Variants in CTNNA2 observed in about 807,000 individuals in gnomAD.
CTNNA2 encodes catenin alpha-2.
A neutral mutation model predicts 101.0 loss-of-function variants in CTNNA2; 42 were observed. That is an observed-to-expected ratio of 0.42 (90% CI 0.32 to 0.54). The LOEUF (loss-of-function observed/expected upper bound fraction) is 0.54. Among genes scored for constraint, CTNNA2 ranks in the 20% least tolerant of loss-of-function variants. The pLI is 0.14. For missense variants in CTNNA2, 871 were observed against 1,223.1 expected (o/e 0.71, Z 4.29); for synonymous variants, 450 against 456.4 (o/e 0.99, Z 0.18).
intron 18 of CTNNA2, among the ~76,000 whole-genome samples, chr2:80,625,788 T>TG (rs1671621133): frequency 6.6e-6 from 1 of 152,104 alleles, no homozygotes; most frequent in African/African-American, 2.4e-5. Flanking sequence ...TATTTCTATG[T>TG]GAAAGCATCT....
At chr2:80,612,687 GC>G in intron 17 of CTNNA2, among the ~76,000 whole-genome samples, 1 of 151,338 alleles carries the variant, frequency 6.6e-6, no homozygotes, top group South Asian at 2.1e-4. Flanking sequence ...AGCTAAAACA[GC>G]CATTGAAACA....
At chr2:79,791,613 G>A (rs1675278075) in intron 3 of CTNNA2, among the ~76,000 whole-genome samples, 1 of 152,152 alleles carries the variant, frequency 6.6e-6, no homozygotes, top group Non-Finnish European at 1.5e-5. Flanking sequence ...AATCATGCTA[G>A]TGGAGAGAAG....
At chr2:80,100,347 C>T (rs1700467922) in intron 7 of CTNNA2, among the ~76,000 whole-genome samples, 1 of 152,158 alleles carries the variant, frequency 6.6e-6, no homozygotes, top group Non-Finnish European at 1.5e-5. Context: ...TGCTTTCGTT[C>T]CTGGTTCAAC....
intron 7 of CTNNA2, among the ~76,000 whole-genome samples, chr2:80,063,196 C>T (rs560707462): frequency 1.3e-5 from 2 of 152,264 alleles, no homozygotes; most frequent in African/African-American, 4.8e-5. Flanking sequence ...CTCCCTTTTG[C>T]TCCCCTCCTG....
At chr2:80,571,250 T>C (rs1164593577) in intron 12 of CTNNA2, among the ~76,000 whole-genome samples, 1 of 152,204 alleles carries the variant, frequency 6.6e-6, no homozygotes, top group Non-Finnish European at 1.5e-5. Flanking sequence ...AGTTGGCAGT[T>C]ACTAAGGCAG....
At chr2:80,466,283 A>G (rs1684848561) in intron 9 of CTNNA2, among the ~76,000 whole-genome samples, 1 of 152,196 alleles carries the variant, frequency 6.6e-6, no homozygotes, top group Non-Finnish European at 1.5e-5. Flanking sequence ...CAGAGAAAAA[A>G]GGAGATGTAC....
At chr2:79,653,774 AG>A (rs1323177987) in intron 2 of CTNNA2, among the ~76,000 whole-genome samples, 1 of 152,138 alleles carries the variant, frequency 6.6e-6, no homozygotes, top group African/African-American at 2.4e-5. Context: ...CACTATAAAC[AG>A]CAAGAAGAAA....
At chr2:79,664,394 C>A (rs1475146930) in intron 2 of CTNNA2, among the ~76,000 whole-genome samples, 1 of 152,132 alleles carries the variant, frequency 6.6e-6, no homozygotes, top group East Asian at 1.9e-4. Flanking sequence ...CCATTATGAA[C>A]TTTCTGTTAT....
chr2:80,098,694 C>T (rs1172485037), intron 7 of CTNNA2, among the ~76,000 whole-genome samples: 2 of 152,196 alleles, frequency 1.3e-5, no homozygotes, highest in Non-Finnish European at 2.9e-5. Context: ...CCTACTCAAG[C>T]CTCGGAAATG....
At chr2:79,636,987 C>T (rs1680118550) in intron 1 of CTNNA2, 1 of 151,910 alleles carries the variant, frequency 6.6e-6, no homozygotes, top group South Asian at 2.1e-4. Flanking sequence ...AATTAAGTAA[C>T]TAGAAGATCA....
intron 7 of CTNNA2, among the ~76,000 whole-genome samples, chr2:80,069,659 G>C (rs1017907194): frequency 1.3e-5 from 2 of 152,040 alleles, no homozygotes; most frequent in African/African-American, 4.8e-5. Context: ...ATGTGATAAG[G>C]GAATAAGAGA....
intron 7 of CTNNA2, among the ~76,000 whole-genome samples, chr2:80,155,302 T>C (rs977829653): frequency 6.6e-6 from 1 of 152,216 alleles, no homozygotes; most frequent in Non-Finnish European, 1.5e-5. Context: ...GTGATAGTTC[T>C]CCAGCTCTTT....
At chr2:80,430,991 A>AC (rs1681446632) in intron 9 of CTNNA2, among the ~76,000 whole-genome samples, 1 of 152,136 alleles carries the variant, frequency 6.6e-6, no homozygotes, top group Non-Finnish European at 1.5e-5. Flanking sequence ...TAAAAAAGTC[A>AC]CCCCCAGTAA....
At chr2:80,358,632 C>T (rs982929358) in intron 7 of CTNNA2, among the ~76,000 whole-genome samples, 17 of 152,142 alleles carry the variant, frequency 1.1e-4, no homozygotes, top group East Asian at 3.9e-4. Context: ...GGATTATAGG[C>T]GTGAGCCACT....
intron 7 of CTNNA2, among the ~76,000 whole-genome samples, chr2:80,019,500 C>A (rs915092515): frequency 1.3e-5 from 2 of 152,222 alleles, no homozygotes; most frequent in African/African-American, 4.8e-5. Flanking sequence ...TAGAGGATCA[C>A]CTGACTAGTC....
intron 4 of CTNNA2, among the ~76,000 whole-genome samples, chr2:79,418,646 A>G (rs2104499677): frequency 1.3e-5 from 2 of 152,170 alleles, no homozygotes; most frequent in South Asian, 4.1e-4. Context: ...ATCTTTATCC[A>G]GAGAATGGAG....
rs543828087 is a variant in CTNNA2, at chr2:79,885,059, G to A, written c.852+10717G>A. ...CCAGGCCAAAGAATGAAGTTCAGCC[G>A]TAGTAGTTCACATGGCAGCAGTCAT... is the stretch of plus-strand genomic sequence containing the variant. On this transcript the variant is annotated intron_variant, in intron 6 of 18. Coordinates refer to ENST00000402739, the MANE Select transcript of CTNNA2 (RefSeq NM_001282597.3). Among the ~76,000 whole-genome samples, 32 of 152,218 alleles carry A rather than the reference G, an allele frequency of 2.1e-4. No individual in the cohort carries two copies. The East Asian group carries it at 3.9e-3, about 18-fold the overall frequency.
At chr2:80,423,305 T>C (rs1680698967) in intron 9 of CTNNA2, among the ~76,000 whole-genome samples, 1 of 152,186 alleles carries the variant, frequency 6.6e-6, no homozygotes, top group African/African-American at 2.4e-5. Context: ...TTTAGTGCTG[T>C]ACTCATTTAA....
chr2:79,760,114 C>T (rs1484793949), intron 3 of CTNNA2, among the ~76,000 whole-genome samples: 2 of 152,060 alleles, frequency 1.3e-5, no homozygotes, highest in Non-Finnish European at 2.9e-5. Context: ...GTCTCATAGG[C>T]CTCAGTTCCA....
Sources: allele counts gnomAD v4.1 joint callset (sites outside exome capture counted in the v4.1 genomes callset), GRCh38; gene constraint gnomAD v4.1.1; transcripts MANE v1.5; gene names NCBI Gene and HGNC (gene_info 2026-07-23, HGNC 2026-07-21).